Variants in KALRN observed in about 807,000 individuals in gnomAD.
KALRN encodes the protein kalirin.
A neutral mutation model predicts 353.7 loss-of-function variants in KALRN; 70 were observed. The ratio of observed to expected loss-of-function variants is 0.20; its 90% confidence interval spans 0.16 to 0.24. The LOEUF (loss-of-function observed/expected upper bound fraction) is 0.24. Ranked by LOEUF, KALRN falls within the 10% of genes least tolerant of loss-of-function variation. The probability of loss-of-function intolerance (pLI) is 1.00; values close to 1 mark genes in which losing one functional copy is unlikely to be tolerated. For synonymous variants in KALRN, 1,391 were observed against 1,434.8 expected, an observed-to-expected ratio of 0.97 and a Z score of 0.69; for missense variants, 2,791 against 3,756.7, an observed-to-expected ratio of 0.74 and a Z score of 6.72.
At chr3:124,698,290 T>C (rs114770814) in intron 55 of KALRN, among the ~76,000 whole-genome samples, 2,057 of 152,332 alleles carry the variant, frequency 0.014, 50 homozygotes, top group African/African-American at 0.047. Context: ...GCTCTTGTTT[T>C]TCTGTCTTCT....
intron 34 of KALRN, among the ~76,000 whole-genome samples, chr3:124,574,737 A>C (rs1377277852): frequency 6.6e-6 from 1 of 152,240 alleles, no homozygotes; most frequent in African/African-American, 2.4e-5. Flanking sequence ...ACGGGGACCC[A>C]GGAATGACAT....
chr3:124,294,935 G>A (rs80296790), intron 5 of KALRN, among the ~76,000 whole-genome samples: 6,546 of 152,264 alleles, frequency 0.043, 216 homozygotes, highest in Non-Finnish European at 0.069. Context: ...GAAATGAAGT[G>A]ACTTTTCCAC....
rs2080166526 is a variant in KALRN, at chr3:124,328,561, T to A, written c.1285-1300T>A. Among the ~76,000 whole-genome samples the A allele has an allele frequency of 3.9e-5, 6 of 152,170 alleles. No homozygotes were observed. In the South Asian group the frequency reaches 1.2e-3, roughly 32 times the overall value. Reference sequence around the variant, plus strand: ...TGGTGGAGCAAAGAAGCTTCTGAGATCTTAGCATGTACATATTATATGATC... The same window carrying A: ...TGGTGGAGCAAAGAAGCTTCTGAGAACTTAGCATGTACATATTATATGATC... On this transcript the variant is annotated intron_variant, in intron 7 of 59. Transcript: ENST00000682506.
intron 1 of KALRN, among the ~76,000 whole-genome samples, chr3:124,136,846 A>G (rs192403849): frequency 3.9e-4 from 59 of 152,316 alleles, no homozygotes; most frequent in African/African-American, 1.4e-3. Context: ...AGCTGGTGAC[A>G]CTGCTCTTTA....
At chr3:124,562,432 A>G (rs1285411539) in intron 33 of KALRN, among the ~76,000 whole-genome samples, 1 of 152,174 alleles carries the variant, frequency 6.6e-6, no homozygotes, top group Non-Finnish European at 1.5e-5. Flanking sequence ...GACAGGGCAC[A>G]GGGTAGAACC....
chr3:124,332,809 T>G (rs2080728240), intron 8 of KALRN, among the ~76,000 whole-genome samples: 1 of 152,020 alleles, frequency 6.6e-6, no homozygotes, highest in African/African-American at 2.4e-5. Flanking sequence ...AAGAAAGGGC[T>G]CGTATAGAGC....
chr3:124,496,306 T>C lies in KALRN; in HGVS notation c.4833-5T>C. ...ACCCCTGTTTTTTTTCTCTTCTTCC[T>C]GCAGGGATGGAGTGGAGGATATTGA... On this transcript the variant is annotated splice_polypyrimidine_tract_variant and splice_region_variant and intron_variant, in intron 32 of 59. Transcript: ENST00000682506. 1 of 1,582,998 alleles carries C rather than the reference T, an allele frequency of 6.3e-7. No individual in the cohort carries two copies. The highest frequency in any genetic ancestry group is 2.3e-5 in the East Asian group (1 of 44,162).
At chr3:124,064,923 C>CA (rs1192790395) in intron 1 of KALRN, among the ~76,000 whole-genome samples, 2 of 152,192 alleles carry the variant, frequency 1.3e-5, no homozygotes, top group Non-Finnish European at 2.9e-5. Flanking sequence ...GATGACCCCC[C>CA]AATCCCTGTA....
chr3:124,127,067 T>C (rs756371951), intron 1 of KALRN, among the ~76,000 whole-genome samples: 2 of 152,176 alleles, frequency 1.3e-5, no homozygotes, highest in Non-Finnish European at 2.9e-5. Flanking sequence ...GCTGCCAGGA[T>C]GGGTACTTTT....
At position 124,439,053 on chromosome 3, in the gene KALRN, C is replaced by T. The variant is rs759438441; in HGVS notation, c.3198+16C>T. The T allele has an allele frequency of 6.2e-7, 1 of 1,612,240 alleles. No homozygotes were observed. The stretch of plus-strand genomic sequence containing the variant: ...CTTTCTTAAGGTCAGAGCACATTGT[C>T]ATGCAAGGGCTCAGACTCCTGGCCT... On this transcript the variant is annotated intron_variant, in intron 18 of 59. Coordinates refer to ENST00000682506, the MANE Select transcript of KALRN (RefSeq NM_001388419.1).
rs368179672 is a variant in KALRN, at chr3:124,562,945, C to A, written c.5038C>A (p.Arg1680=). The A allele has an allele frequency of 1.5e-6, 2 of 1,367,788 alleles. No individual in the cohort carries two copies. Among genetic ancestry groups the A allele is most frequent in the Non-Finnish European group, 2.0e-6 (2 of 1,022,018 alleles). 84.7% of individuals were successfully genotyped at this position (1,367,788 alleles called of 1,614,324 possible). ...GGGGCAGACGGTAGAGCTGCTGGAGCGGCCCAGCGAGCGGCCTGGTTGGTG... is the reference window on the plus strand; with the variant it reads ...GGGGCAGACGGTAGAGCTGCTGGAGAGGCCCAGCGAGCGGCCTGGTTGGTG... ...QVGQTVELLE[R]PSERPGWCLV... The change falls in exon 34 of 60, where the codon CGG becomes AGG. Residue 1680 remains arginine, a synonymous_variant. Transcript: ENST00000682506.
At chr3:124,269,922 C>A (rs188827661) in intron 5 of KALRN, among the ~76,000 whole-genome samples, 1 of 152,294 alleles carries the variant, frequency 6.6e-6, no homozygotes, top group African/African-American at 2.4e-5. Flanking sequence ...CCACTTGTTT[C>A]CAAAGGTTTC....
intron 34 of KALRN, among the ~76,000 whole-genome samples, chr3:124,579,052 T>C (rs2074394380): frequency 6.6e-6 from 1 of 152,180 alleles, no homozygotes; most frequent in South Asian, 2.1e-4. Flanking sequence ...GAAATGATTG[T>C]GATTTAGTAA....
intron 37 of KALRN, among the ~76,000 whole-genome samples, chr3:124,639,648 T>G (rs1421687991): frequency 2.0e-5 from 3 of 152,208 alleles, no homozygotes; most frequent in Non-Finnish European, 4.4e-5. Flanking sequence ...ACAGCAAATT[T>G]TCTAGAGAAG....
At chr3:124,673,486 A>G (rs1279399337) in intron 48 of KALRN, among the ~76,000 whole-genome samples, 3 of 149,806 alleles carry the variant, frequency 2.0e-5, no homozygotes, top group East Asian at 2.0e-4. Flanking sequence ...ATACATATAG[A>G]ATATATATGT....
intron 13 of KALRN, among the ~76,000 whole-genome samples, chr3:124,400,201 C>A (rs1478252947): frequency 2.0e-5 from 3 of 152,084 alleles, no homozygotes; most frequent in Non-Finnish European, 4.4e-5. Flanking sequence ...AAGAGACTAT[C>A]TTGGGAACAG....
intron 1 of KALRN, among the ~76,000 whole-genome samples, chr3:124,125,915 G>C (rs2064602281): frequency 6.6e-6 from 1 of 152,170 alleles, no homozygotes; most frequent in Non-Finnish European, 1.5e-5. Context: ...GGTTCCATGA[G>C]TTAGAGGCTG....
chr3:124,041,136 C>T (rs1330329140), intron 1 of KALRN, among the ~76,000 whole-genome samples: 1 of 151,990 alleles, frequency 6.6e-6, no homozygotes, highest in Non-Finnish European at 1.5e-5. Flanking sequence ...CCTCTGGGAG[C>T]ACTTGGATAT....
chr3:124,447,423 TA>T (rs1370818661), intron 21 of KALRN, among the ~76,000 whole-genome samples: 2 of 152,152 alleles, frequency 1.3e-5, no homozygotes, highest in African/African-American at 4.8e-5. Context: ...AGGATGTACA[TA>T]CCAATTCATA....
Sources: gnomAD v4.1 joint callset for allele counts (sites outside exome capture counted in the v4.1 genomes callset) on GRCh38, gnomAD v4.1.1 for gene constraint, MANE v1.5 for transcripts, NCBI Gene and HGNC (gene_info 2026-07-23, HGNC 2026-07-21) for gene names.